Variants in MINAR1 observed in about 807,000 individuals in gnomAD.
MINAR1 encodes membrane integral NOTCH2 associated receptor 1, also known as major intrinsically disordered Notch2-binding receptor 1.
A neutral mutation model predicts 65.1 loss-of-function variants in MINAR1; 40 were observed. The ratio of observed to expected loss-of-function variants is 0.61; its 90% CI spans 0.48 to 0.80. The LOEUF (loss-of-function observed/expected upper bound fraction) is 0.80, where lower values mean the gene tolerates loss of function less well. Among genes scored for constraint, MINAR1 ranks in the 30% least tolerant of loss-of-function variants. The probability of loss-of-function intolerance (pLI) is 0.00; values close to 1 mark genes in which losing one functional copy is unlikely to be tolerated. For synonymous variants in MINAR1, 482 were observed against 449.1 expected, an observed-to-expected ratio of 1.07 and a Z score of -0.93; for missense variants, 1,128 against 1,148.0, an observed-to-expected ratio of 0.98 and a Z score of 0.25.
At position 79,471,100 on chromosome 15, in the gene MINAR1, T is replaced by C. The variant is rs1410458544; in HGVS notation, c.*2716T>C. Reference sequence around the variant, plus strand: ...GGGAAACATCTATCCATCTCTCTAATCTTTGCCCATCACCTCCTGTTGCAA... The same window carrying C: ...GGGAAACATCTATCCATCTCTCTAACCTTTGCCCATCACCTCCTGTTGCAA... On this transcript the variant is annotated 3_prime_UTR_variant, in exon 4 of 4. Transcript: ENST00000305428. 6.6e-6 allele frequency: 1 copy of C among 152,110 alleles called. No homozygotes were observed. The highest frequency in any genetic ancestry group is 1.5e-5 in the Non-Finnish European group (1 of 68,040). 9.4% of individuals were successfully genotyped at this position (152,110 alleles called of 1,614,324 possible). A position where few individuals can be genotyped will look rare whatever the true frequency, so the allele number is the denominator to read the frequency against.
chr15:79,439,718 A>G (rs1857693156), intron 1 of MINAR1, among the ~76,000 whole-genome samples: 1 of 151,796 alleles, frequency 6.6e-6, no homozygotes, highest in African/African-American at 2.4e-5. Context: ...GGTCTCATTT[A>G]TAGTTTTGTC....
rs149050715 is a variant in MINAR1 at position 79,456,834 on chromosome 15, C to G, written c.687C>G (p.Asp229Glu). Residue 229 changes from aspartate (D) to glutamate (E), a missense_variant, in exon 2 of 4, where the codon GAC becomes GAG. Transcript: ENST00000305428. ...NIENESISDQDSLPINQSIKE... is the reference protein window; with the variant it reads ...NIENESISDQESLPINQSIKE... ...AAAACGAGTCCATTTCAGACCAGGA[C>G]TCCCTGCCCATCAATCAGAGCATCA... The G allele has an allele frequency of 3.1e-6, 5 of 1,614,090 alleles. No homozygotes were observed. Among genetic ancestry groups the G allele is most frequent in the Non-Finnish European group, 3.4e-6 (4 of 1,180,048 alleles).
At position 79,451,964 on chromosome 15, in the gene MINAR1, A is replaced by C. The variant is rs12102081; in HGVS notation, c.-50-4134A>C. 2.5e-3 allele frequency among the ~76,000 whole-genome samples: 375 copies of C among 152,280 alleles called. 1 individual carries two copies. Among genetic ancestry groups the C allele is most frequent in the African/African-American group, 8.6e-3 (359 of 41,536 alleles). ...GACAGAGCTAAGAGACACTTAGGAG[A>C]GAACAGAGCTAAGAGACACCTAGGA... On this transcript the variant is annotated intron_variant, in intron 1 of 3. Transcript: ENST00000305428.
At chr15:79,443,800 A>G (rs1325247993) in intron 1 of MINAR1, among the ~76,000 whole-genome samples, 7 of 152,148 alleles carry the variant, frequency 4.6e-5, no homozygotes, top group Non-Finnish European at 8.8e-5. Flanking sequence ...GTGCATGCTT[A>G]TCTAGGGTAC....
At chr15:79,463,386 G>C in intron 3 of MINAR1, 65 bp downstream of exon 3, 3 of 1,578,344 alleles carry the variant, frequency 1.9e-6, no homozygotes. Flanking sequence ...CCCTGGAATG[G>C]ATCACGGACG....
At chr15:79,461,825 A>ACACATACAAGTGTGCTTC (rs561999740) in intron 2 of MINAR1, among the ~76,000 whole-genome samples, 130 of 152,086 alleles carry the variant, frequency 8.5e-4, no homozygotes, top group African/African-American at 2.9e-3. Context: ...ATCCACGTAC[A>ACACATACAAGTGTGCTTC]CACATACAAG....
At chr15:79,425,711 C>T in the MINAR1 span, 1 of 152,172 alleles carries the variant, frequency 6.6e-6, no homozygotes, top group African/African-American at 2.4e-5. Context: ...CCTCTTCATT[C>T]GACAGCTGAG....
intron 3 of MINAR1, among the ~76,000 whole-genome samples, chr15:79,465,622 C>A (rs1055985330): frequency 6.6e-6 from 1 of 152,060 alleles, no homozygotes; most frequent in Non-Finnish European, 1.5e-5. Flanking sequence ...TCTGTCTGAG[C>A]CGGAGGGAAT....
chr15:79,459,303 C>T (rs149290309), intron 2 of MINAR1, among the ~76,000 whole-genome samples: 95 of 152,334 alleles, frequency 6.2e-4, no homozygotes, highest in Admixed American at 1.7e-3. Context: ...GGCTCTTTCA[C>T]GTAAGCTCTG....
intron 3 of MINAR1, among the ~76,000 whole-genome samples, chr15:79,464,882 TGGAATATTTCATGATTCTCCCTCC>T (rs1895781525): frequency 1.5e-5 from 2 of 130,266 alleles, no homozygotes; most frequent in Non-Finnish European, 3.3e-5. Context: ...CTCCCTCCGG[TGGAATATTTCATGATTCTCCCTCC>T]GGTGGAATAT....
intron 1 of MINAR1, among the ~76,000 whole-genome samples, chr15:79,451,623 C>CATAACAAA (rs1895205168): frequency 7.0e-6 from 1 of 141,930 alleles, no homozygotes; most frequent in Admixed American, 7.1e-5. Context: ...TTTCGGATCT[C>CATAACAAA]TGCTGCTCAC....
rs138300325 is a variant in MINAR1 at position 79,447,644 on chromosome 15, C to T, written c.-50-8454C>T. On this transcript the variant is annotated intron_variant, in intron 1 of 3. Coordinates refer to ENST00000305428, the MANE Select transcript of MINAR1 (RefSeq NM_015206.3). ...CCTTTGATTGTCTTGAGTACTTTTGCTCTTGTTTCTGCTTGCAGCCATGGA... is the reference window on the plus strand; with the variant it reads ...CCTTTGATTGTCTTGAGTACTTTTGTTCTTGTTTCTGCTTGCAGCCATGGA... 5.1e-3 allele frequency among the ~76,000 whole-genome samples: 769 copies of T among 152,130 alleles called. 4 individuals are homozygous for T. Among genetic ancestry groups the T allele is most frequent in the African/African-American group, 0.018 (736 of 41,502 alleles).
intron 2 of MINAR1, among the ~76,000 whole-genome samples, chr15:79,460,700 C>T (rs1895613459): frequency 6.6e-6 from 1 of 152,226 alleles, no homozygotes; most frequent in African/African-American, 2.4e-5. Flanking sequence ...CTATTCCCCA[C>T]TCTTCTCTGA....
At chr15:79,432,220 C>G (rs918246532), upstream of MINAR1, among the ~76,000 whole-genome samples, 7 of 152,064 alleles carry the variant, frequency 4.6e-5, no homozygotes, top group African/African-American at 1.2e-4. Context: ...GAGACTGTCC[C>G]GGCTGCGCGC....
chr15:79,465,752 C>A (rs868073064), intron 3 of MINAR1, among the ~76,000 whole-genome samples: 1 of 151,926 alleles, frequency 6.6e-6, no homozygotes, highest in Non-Finnish European at 1.5e-5. Flanking sequence ...TTCCAGGTGC[C>A]AGGGTAGGGA....
chr15:79,411,577 C>T, the MINAR1 span: 5 of 692,220 alleles, frequency 7.2e-6, no homozygotes, highest in African/African-American at 7.0e-5. Flanking sequence ...TGGGAGGAAG[C>T]TGCTGCACAG....
the MINAR1 span, chr15:79,426,143 C>T: frequency 3.3e-5 from 5 of 152,380 alleles, no homozygotes; most frequent in African/African-American, 9.6e-5. Flanking sequence ...GAATCAGTAT[C>T]GGAAAATATG....
intron 1 of MINAR1, among the ~76,000 whole-genome samples, chr15:79,444,324 CTCTTT>C (rs954578810): frequency 2.6e-5 from 4 of 152,220 alleles, no homozygotes; most frequent in South Asian, 2.1e-4. Flanking sequence ...TTATTCATGT[CTCTTT>C]TCTTTTTTTC....
Position 79,457,814 on chromosome 15 carries a change from G to A in MINAR1, c.1667G>A (p.Cys556Tyr), listed in dbSNP as rs147754107. The A allele has an allele frequency of 3.8e-3, 6,063 of 1,614,114 alleles. 16 individuals carry two copies. Among genetic ancestry groups the A allele is most frequent in the Non-Finnish European group, 4.3e-3 (5,087 of 1,180,024 alleles). Residue 556 changes from cysteine (C) to tyrosine (Y), a missense_variant, in exon 2 of 4, where the codon TGC (cysteine) becomes TAC (tyrosine). By Grantham distance (194) the Cys-to-Tyr change is radical. Transcript: ENST00000305428. Reference sequence around the variant, plus strand: ...TTGTCTCAGCTCCATAAGTCAGACTGCGACAGTTCCCCTGAGCACAACTTA... The same window carrying A: ...TTGTCTCAGCTCCATAAGTCAGACTACGACAGTTCCCCTGAGCACAACTTA... ...GSLSQLHKSD[C>Y]DSSPEHNLTK...
Sources: gnomAD v4.1 joint callset for allele counts (sites outside exome capture counted in the v4.1 genomes callset) on GRCh38, gnomAD v4.1.1 for gene constraint, MANE v1.5 for transcripts, NCBI Gene and HGNC (gene_info 2026-07-23, HGNC 2026-07-21) for gene names.